GLI2: variants seen among roughly 807,000 people sequenced by gnomAD.
GLI2 encodes transcription activator GLI2.
GLI2 carries 22 observed loss-of-function variants against 78.9 expected under a neutral mutation model. The observed-to-expected ratio is 0.28, with a 90% CI of 0.20 to 0.40. The LOEUF is 0.40. GLI2 is among the 10% of genes least tolerant of loss of function. The pLI is 1.00. For missense variants in GLI2, 2,097 were observed against 2,213.2 expected, an observed-to-expected ratio of 0.95 and a Z score of 1.05; for synonymous variants, 974 against 963.7, an observed-to-expected ratio of 1.01 and a Z score of -0.20.
chr2:120,790,572 A>G (rs1684122940), intron 1 of GLI2, among the ~76,000 whole-genome samples: 1 of 152,116 alleles, frequency 6.6e-6, no homozygotes, highest in Admixed American at 6.5e-5. Flanking sequence ...CCAGTGTGGA[A>G]TGGCTGGAAG....
rs926369054 is a variant in GLI2 at position 120,988,376 on chromosome 2, G to A, written c.2411G>A (p.Arg804His). Reference sequence around the variant, plus strand: ...GTCAGCTCGGCCTACACCGTGAGCCGCCGCTCCTCCGGCATCTCCCCCTAC... The same window carrying A: ...GTCAGCTCGGCCTACACCGTGAGCCACCGCTCCTCCGGCATCTCCCCCTAC... ...STVSSAYTVS[R>H]RSSGISPYFS... Residue 804 changes from arginine (R) to histidine (H), a missense_variant, in exon 14 of 14, where the codon CGC (arginine) becomes CAC (histidine). Transcript: ENST00000361492. 3.8e-6 allele frequency: 6 copies of A among 1,569,698 alleles called. No homozygotes were observed. In the African/African-American group the frequency reaches 8.3e-5, roughly 22 times the overall value.
Position 120,990,376 on chromosome 2 carries a change from T to C in GLI2, c.4411T>C (p.Leu1471=), listed in dbSNP as rs1683237232. ...TCAGGACAGCATCCAGCCCCAGCCC[T>C]TGCCCTCACCAGGGGTCAACCAGGT... The part of the protein sequence containing the change: ...ACQDSIQPQP[L]PSPGVNQVSS... The change falls in exon 14 of 14, where the codon TTG becomes CTG. Residue 1471 remains leucine, a synonymous_variant. Coordinates refer to ENST00000361492, the MANE Select transcript of GLI2 (RefSeq NM_001374353.1). 2 of 1,613,966 alleles carry C rather than the reference T, an allele frequency of 1.2e-6. No individual in the cohort carries two copies. Among genetic ancestry groups the C allele is most frequent in the Non-Finnish European group, 1.7e-6 (2 of 1,180,030 alleles).
intron 2 of GLI2, among the ~76,000 whole-genome samples, chr2:120,881,736 CGG>C (rs1677152880): frequency 2.7e-4 from 1 of 3,640 alleles, no homozygotes; most frequent in Non-Finnish European, 5.9e-4. Context: ...GAGGACAGTG[CGG>C]GGGAGAACAG....
intron 1 of GLI2, among the ~76,000 whole-genome samples, chr2:120,778,700 C>T (rs1683754146): frequency 6.6e-6 from 1 of 152,190 alleles, no homozygotes; most frequent in South Asian, 2.1e-4. Context: ...GGCACAGAGA[C>T]CTTCCACATG....
chr2:120,790,884 C>T (rs1684134946), intron 1 of GLI2, among the ~76,000 whole-genome samples: 1 of 152,102 alleles, frequency 6.6e-6, no homozygotes, highest in Admixed American at 6.5e-5. Flanking sequence ...CAGGGCCCTG[C>T]AGGCAGGTGA....
At chr2:120,790,113 G>T (rs1037375390) in intron 1 of GLI2, among the ~76,000 whole-genome samples, 14 of 152,206 alleles carry the variant, frequency 9.2e-5, no homozygotes, top group African/African-American at 3.1e-4. Flanking sequence ...TGGATCCCAG[G>T]GGATTTCGGA....
chr2:120,858,668 C>T (rs886731058), intron 2 of GLI2, among the ~76,000 whole-genome samples: 2 of 152,148 alleles, frequency 1.3e-5, no homozygotes, highest in Non-Finnish European at 2.9e-5. Context: ...AGCCCAGTGG[C>T]CGGAGGCTGG....
At chr2:120,950,818 G>A (rs995956520) in intron 3 of GLI2, among the ~76,000 whole-genome samples, 3 of 152,182 alleles carry the variant, frequency 2.0e-5, no homozygotes, top group African/African-American at 7.2e-5. Context: ...TGAGCTCTTT[G>A]CGTTTTACCC....
intron 1 of GLI2, among the ~76,000 whole-genome samples, chr2:120,776,213 C>T (rs984901588): frequency 3.3e-5 from 5 of 152,232 alleles, no homozygotes; most frequent in African/African-American, 7.2e-5. Flanking sequence ...ATTTAATCTT[C>T]GCAGCACCGG....
At chr2:120,828,954 G>T (rs999408064) in intron 2 of GLI2, among the ~76,000 whole-genome samples, 1 of 150,766 alleles carries the variant, frequency 6.6e-6, no homozygotes, top group Non-Finnish European at 1.5e-5. Flanking sequence ...CTAGGCCCAG[G>T]GCTCTTGGAA....
At chr2:120,947,868 G>A (rs1392478290) in intron 3 of GLI2, among the ~76,000 whole-genome samples, 1 of 152,212 alleles carries the variant, frequency 6.6e-6, no homozygotes, top group East Asian at 1.9e-4. Context: ...GGATGGCTCT[G>A]TGGCTCACAT....
At chr2:120,967,759 C>T (rs1681929309) in intron 5 of GLI2, among the ~76,000 whole-genome samples, 1 of 152,248 alleles carries the variant, frequency 6.6e-6, no homozygotes, top group South Asian at 2.1e-4. Flanking sequence ...GTGGTGTGCA[C>T]ATTCAAAGCA....
intron 3 of GLI2, among the ~76,000 whole-genome samples, chr2:120,942,783 C>T (rs1680513479): frequency 6.6e-6 from 1 of 152,068 alleles, no homozygotes; most frequent in Non-Finnish European, 1.5e-5. Flanking sequence ...CCTGGACACG[C>T]TCCCTGCTTT....
intron 1 of GLI2, among the ~76,000 whole-genome samples, chr2:120,759,991 T>C (rs1683165727): frequency 6.6e-6 from 1 of 152,262 alleles, no homozygotes. Context: ...TAAGCCTGTG[T>C]GTCCTCAGGT....
chr2:120,844,963 G>A (rs1472042740), intron 2 of GLI2, among the ~76,000 whole-genome samples: 1 of 151,270 alleles, frequency 6.6e-6, no homozygotes, highest in Non-Finnish European at 1.5e-5. Context: ...TGGGTGGGAG[G>A]AGCAGGTGAG....
intron 2 of GLI2, among the ~76,000 whole-genome samples, chr2:120,859,080 A>G (rs994109528): frequency 1.3e-5 from 2 of 152,170 alleles, no homozygotes; most frequent in African/African-American, 4.8e-5. Flanking sequence ...CTTAAGCAGT[A>G]TTCTGTCTTC....
chr2:120,933,960 A>G (rs1171839726), intron 3 of GLI2, among the ~76,000 whole-genome samples: 2 of 152,146 alleles, frequency 1.3e-5, no homozygotes, highest in Non-Finnish European at 2.9e-5. Context: ...CCCCATGCAG[A>G]GGTTCCCAAA....
chr2:120,746,971 CCT>C (rs1682713077), intron 1 of GLI2, among the ~76,000 whole-genome samples: 1 of 152,070 alleles, frequency 6.6e-6, no homozygotes, highest in Non-Finnish European at 1.5e-5. Context: ...CCTTTGTCTG[CCT>C]CTCTCGTATT....
At chr2:120,928,788 T>G (rs190023685) in intron 3 of GLI2, among the ~76,000 whole-genome samples, 3 of 152,374 alleles carry the variant, frequency 2.0e-5, no homozygotes, top group African/African-American at 7.2e-5. Flanking sequence ...CTGAAATAAT[T>G]AAGGTCATAC....
Sources: allele counts gnomAD v4.1 joint callset (sites outside exome capture counted in the v4.1 genomes callset), GRCh38; gene constraint gnomAD v4.1.1; transcripts MANE v1.5; gene names NCBI Gene and HGNC (gene_info 2026-07-23, HGNC 2026-07-21).